Variants in NCAM1 observed in about 807,000 individuals in gnomAD.
NCAM1 encodes the protein neural cell adhesion molecule 1.
Under a neutral mutation model 109.8 loss-of-function variants are expected in NCAM1, and 14 were observed. The observed-to-expected ratio is 0.13, with a 90% confidence interval of 0.08 to 0.20. The LOEUF (loss-of-function observed/expected upper bound fraction) is 0.20, where lower values mean the gene tolerates loss of function less well. Among genes scored for constraint, NCAM1 ranks in the 10% least tolerant of loss-of-function variants. The pLI is 1.00. For synonymous variants in NCAM1, 418 were observed against 442.9 expected (o/e 0.94, Z 0.70); for missense variants, 774 against 1,109.9 (o/e 0.70, Z 4.30).
intron 1 of NCAM1, among the ~76,000 whole-genome samples, chr11:113,079,372 T>A (rs942683832): frequency 6.6e-6 from 1 of 152,310 alleles, no homozygotes; most frequent in Admixed American, 6.5e-5. Context: ...TCCAGAGCTG[T>A]GCCCGCAGTG....
chr11:113,205,874 T>C (rs1013583443), intron 4 of NCAM1, among the ~76,000 whole-genome samples, 169 bp from the exon 5 acceptor site: 2 of 152,226 alleles, frequency 1.3e-5, no homozygotes, highest in Admixed American at 6.5e-5. Flanking sequence ...AAATTTCTAA[T>C]AGACATTTAC....
chr11:113,178,455 G>A (rs574253973), intron 1 of NCAM1, among the ~76,000 whole-genome samples: 66 of 152,316 alleles, frequency 4.3e-4, no homozygotes, highest in African/African-American at 1.4e-3. Context: ...TTGATGAAAC[G>A]TGGTGGCACA....
chr11:113,211,247 G>T (rs1466376685), intron 7 of NCAM1, among the ~76,000 whole-genome samples: 1 of 152,174 alleles, frequency 6.6e-6, no homozygotes, highest in Non-Finnish European at 1.5e-5. Context: ...GACAGGTTCT[G>T]CAAGTGGGAG....
In NCAM1 at chr11:113,165,815, T is replaced by G. The variant is rs577961231; in HGVS notation, c.53-36564T>G. On this transcript the variant is annotated intron_variant, in intron 1 of 19. Transcript: ENST00000316851. ...CTTGCTCCTAAATAGCAAAACCGAC[T>G]GATTTTTTTTTTTTTGAAATGGAGT... Among the ~76,000 whole-genome samples the G allele has an allele frequency of 1.1e-4, 9 of 85,404 alleles. No homozygotes were observed. The Admixed American group carries it at 1.2e-3, about 11-fold the overall frequency. 56.0% of individuals were successfully genotyped at this position (85,404 alleles called of 152,430 possible). A position where few individuals can be genotyped will look rare whatever the true frequency, so the allele number is the denominator to read the frequency against.
At chr11:113,151,672 C>T (rs1166251276) in intron 1 of NCAM1, among the ~76,000 whole-genome samples, 2 of 152,246 alleles carry the variant, frequency 1.3e-5, no homozygotes, top group South Asian at 2.1e-4. Flanking sequence ...CCTGCTCTTC[C>T]GCTTCTGTCG....
At chr11:113,063,627 TG>T (rs1280994323) in intron 1 of NCAM1, among the ~76,000 whole-genome samples, 3 of 152,188 alleles carry the variant, frequency 2.0e-5, no homozygotes, top group Admixed American at 6.5e-5. Flanking sequence ...TGACATTACT[TG>T]GATGGGGTTC....
rs944391006 is a variant in NCAM1 at position 113,088,445 on chromosome 11, C to A, written c.53-113934C>A. Among the ~76,000 whole-genome samples, 4 of 152,206 alleles carry A rather than the reference C, an allele frequency of 2.6e-5. No homozygotes were observed. In the South Asian group the frequency reaches 8.3e-4, roughly 32 times the overall value. On this transcript the variant is annotated intron_variant, in intron 1 of 19. Transcript: ENST00000316851. ...CAGTAGGCTTTATTCTGAGTAGAAG[C>A]TGAAACCACATGGTGGGATTAGCTT... is the stretch of plus-strand genomic sequence containing the variant.
intron 1 of NCAM1, among the ~76,000 whole-genome samples, chr11:113,185,379 G>C (rs1943478154): frequency 1.3e-5 from 2 of 152,120 alleles, no homozygotes; most frequent in Non-Finnish European, 2.9e-5. Context: ...CTGACTGGAT[G>C]AGGCACACCC....
chr11:113,074,557 C>A (rs1938441879), intron 1 of NCAM1, among the ~76,000 whole-genome samples: 1 of 152,132 alleles, frequency 6.6e-6, no homozygotes, highest in Non-Finnish European at 1.5e-5. Flanking sequence ...AATATGGTAA[C>A]CCTTGTCACA....
At chr11:113,005,790 C>T (rs1951879248) in intron 1 of NCAM1, among the ~76,000 whole-genome samples, 1 of 152,162 alleles carries the variant, frequency 6.6e-6, no homozygotes, top group Admixed American at 6.5e-5. Flanking sequence ...TGTATTTACT[C>T]TGCATTTTGA....
chr11:113,108,922 G>A (rs28488581), intron 1 of NCAM1, among the ~76,000 whole-genome samples: 7,435 of 151,078 alleles, frequency 0.049, 590 homozygotes, highest in Admixed American at 0.16. Context: ...ATTTTTAGTA[G>A]AGGTGGGGTT....
At position 113,057,748 on chromosome 11, in the gene NCAM1, GAA is replaced by G. The variant is rs1307914427; in HGVS notation, c.52+96087_52+96088del. On this transcript the variant is annotated intron_variant, in intron 1 of 19. Coordinates refer to ENST00000316851, the MANE Select transcript of NCAM1 (RefSeq NM_181351.5). ...CTGGGCAGATCTTACAAATTAAATA[GAA>G]AATACAAAATAACAGGTTTACCATG... Among the ~76,000 whole-genome samples, 3 of 152,150 alleles carry G rather than the reference GAA, an allele frequency of 2.0e-5. No homozygotes were observed. The East Asian group carries it at 5.8e-4, about 29-fold the overall frequency.
intron 1 of NCAM1, among the ~76,000 whole-genome samples, chr11:113,089,857 C>A (rs1939261557): frequency 6.6e-6 from 1 of 152,080 alleles, no homozygotes; most frequent in African/African-American, 2.4e-5. Context: ...ATGAAACAAA[C>A]CAAAGAAGTA....
chr11:113,033,227 T>C lies in NCAM1; in HGVS notation c.52+71563T>C, dbSNP rs1952773722. 2.0e-5 allele frequency among the ~76,000 whole-genome samples: 3 copies of C among 152,220 alleles called. No homozygotes were observed. In the South Asian group the frequency reaches 6.2e-4, roughly 32 times the overall value. ...TGTTTCATGTGTGATAGTAATGTTATCAGACTTGCTTAGGGAGGCAGAGGT... is the reference window on the plus strand; with the variant it reads ...TGTTTCATGTGTGATAGTAATGTTACCAGACTTGCTTAGGGAGGCAGAGGT... On this transcript the variant is annotated intron_variant, in intron 1 of 19. Transcript: ENST00000316851.
At chr11:113,012,660 C>T (rs2135139802) in intron 1 of NCAM1, among the ~76,000 whole-genome samples, 1 of 152,318 alleles carries the variant, frequency 6.6e-6, no homozygotes, top group Non-Finnish European at 1.5e-5. Context: ...TGCCTCACTC[C>T]AGTCTTTGCC....
rs1400868861 is a variant in NCAM1 at position 112,961,670 on chromosome 11, T to A, written c.52+6T>A. On this transcript the variant is annotated splice_donor_region_variant and intron_variant, in intron 1 of 19. Coordinates refer to ENST00000316851, the MANE Select transcript of NCAM1 (RefSeq NM_181351.5). ...GTTTTTCCTGGGAACTGCAGGTACA[T>A]TTTTTTTTTTTTTAATTCTCAATCT... is the stretch of plus-strand genomic sequence containing the variant. The A allele has an allele frequency of 4.9e-5, 14 of 286,820 alleles. No individual in the cohort carries two copies. Among genetic ancestry groups the A allele is most frequent in the Non-Finnish European group, 7.4e-5 (14 of 188,472 alleles). 17.8% of individuals were successfully genotyped at this position (286,820 alleles called of 1,614,324 possible). A position where few individuals can be genotyped will look rare whatever the true frequency, so the allele number is the denominator to read the frequency against.
chr11:113,025,764 A>C, intron 1 of NCAM1, among the ~76,000 whole-genome samples: 1 of 142,454 alleles, frequency 7.0e-6, no homozygotes, highest in African/African-American at 2.6e-5. Context: ...TGAGATTGGA[A>C]CGACACAGGG....
At chr11:113,024,179 C>T (rs1032486738) in intron 1 of NCAM1, among the ~76,000 whole-genome samples, 14 of 152,160 alleles carry the variant, frequency 9.2e-5, no homozygotes, top group Non-Finnish European at 1.9e-4. Flanking sequence ...CCTCTAGTCT[C>T]TTACAGAAGT....
At chr11:113,243,341 G>A (rs78034726) in intron 14 of NCAM1, among the ~76,000 whole-genome samples, 1,862 of 152,248 alleles carry the variant, frequency 0.012, 35 homozygotes, top group African/African-American at 0.043. Context: ...CAGCATGCCC[G>A]GCTTTGTCTC....
Sources: allele counts gnomAD v4.1 joint callset (sites outside exome capture counted in the v4.1 genomes callset), GRCh38; gene constraint gnomAD v4.1.1; transcripts MANE v1.5; gene names NCBI Gene and HGNC (gene_info 2026-07-23, HGNC 2026-07-21).